Variants in KIAA0040 observed in about 807,000 individuals in gnomAD.
KIAA0040 encodes uncharacterized protein KIAA0040.
KIAA0040 carries 10 observed loss-of-function variants against 7.2 expected under a neutral mutation model. The ratio of observed to expected loss-of-function variants is 1.38; its 90% CI spans 0.85 to 2.34. KIAA0040 has a LOEUF of 2.34. Among genes scored for constraint, KIAA0040 ranks in the 30% most tolerant of loss-of-function variants. KIAA0040 has a pLI of 0.00. For missense variants in KIAA0040, 89 were observed against 108.2 expected (o/e 0.82, Z 0.79); for synonymous variants, 49 against 40.1 (o/e 1.22, Z -0.84).
chr1:175,188,484 G>A lies in KIAA0040; in HGVS notation c.-384+4156C>T, dbSNP rs145705499. 7.2e-5 allele frequency among the ~76,000 whole-genome samples: 11 copies of A among 152,238 alleles called. No individual in the cohort carries two copies. The East Asian group carries it at 1.9e-3, about 27-fold the overall frequency. ...TTATCTCCCTTACTGTGTCTGTGAC[G>A]AGTCTCCTGAAAGCCCATTATTCAC... On this transcript the variant is annotated intron_variant, in intron 1 of 3. Coordinates refer to ENST00000423313, the MANE Select transcript of KIAA0040 (RefSeq NM_014656.3).
Position 175,192,696 on chromosome 1 carries a change from C to G in KIAA0040, c.-440G>C, listed in dbSNP as rs943862173. The G allele has an allele frequency of 6.6e-6, 1 of 152,332 alleles. No individual in the cohort carries two copies. The highest frequency in any genetic ancestry group is 2.4e-5 in the African/African-American group (1 of 41,462). 9.4% of individuals were successfully genotyped at this position (152,332 alleles called of 1,614,324 possible). ...CCAGGGAATCTCCTGGTTGCTGCCC[C>G]GTCTGACAGCGCCCCGGGCCCTGGA... On this transcript the variant is annotated 5_prime_UTR_variant, in exon 1 of 4. Coordinates refer to ENST00000423313, the MANE Select transcript of KIAA0040 (RefSeq NM_014656.3).
Position 175,157,262 on chromosome 1 carries a change from G to GT in KIAA0040, c.*3451dup, listed in dbSNP as rs756208133. The GT allele has an allele frequency of 1.1e-4, 16 of 152,194 alleles. No homozygotes were observed. Among genetic ancestry groups the GT allele is most frequent in the Non-Finnish European group, 2.1e-4 (14 of 68,036 alleles). The allele number at this position is 152,194 out of a possible 1,614,324, so 9.4% of individuals were successfully genotyped here. A position where few individuals can be genotyped will look rare whatever the true frequency, so the allele number is the denominator to read the frequency against. ...ATGGACCTCATTGATGGAAAGTTCTGTAAGTGTTGCCAAGGAACATCAGTA... is the reference window on the plus strand; with the variant it reads ...ATGGACCTCATTGATGGAAAGTTCTGTTAAGTGTTGCCAAGGAACATCAGTA... On this transcript the variant is annotated 3_prime_UTR_variant, in exon 4 of 4. Coordinates refer to ENST00000423313, the MANE Select transcript of KIAA0040 (RefSeq NM_014656.3).
chr1:175,162,117 G>A (rs1028342829), intron 3 of KIAA0040, among the ~76,000 whole-genome samples: 1 of 152,114 alleles, frequency 6.6e-6, no homozygotes, highest in African/African-American at 2.4e-5. Flanking sequence ...ATATCTTAAA[G>A]CTCAGCTCTC....
At chr1:175,178,669 C>A (rs539331871) in intron 1 of KIAA0040, among the ~76,000 whole-genome samples, 30 of 152,312 alleles carry the variant, frequency 2.0e-4, no homozygotes, top group Middle Eastern at 3.4e-3. Context: ...TGAAGTCCTG[C>A]TCTGCTTAGC....
chr1:175,179,417 C>T lies in KIAA0040; in HGVS notation c.-383-1733G>A, dbSNP rs1044080104. On this transcript the variant is annotated intron_variant, in intron 1 of 3. Transcript: ENST00000423313. ...CACCCATGGGCTCACTGGTAATCTG[C>T]CCCAACCGGTCAGGCAGAGCAATCA... 2.6e-5 allele frequency among the ~76,000 whole-genome samples: 4 copies of T among 152,214 alleles called. No individual in the cohort carries two copies. The East Asian group carries it at 7.7e-4, about 29-fold the overall frequency.
chr1:175,184,188 T>C (rs1174952822), intron 1 of KIAA0040, among the ~76,000 whole-genome samples: 1 of 152,180 alleles, frequency 6.6e-6, no homozygotes, highest in African/African-American at 2.4e-5. Context: ...ACCTGCCAAC[T>C]GAGATGAATT....
intron 1 of KIAA0040, among the ~76,000 whole-genome samples, chr1:175,190,430 C>T (rs960581930): frequency 3.9e-5 from 6 of 152,242 alleles, no homozygotes; most frequent in South Asian, 4.1e-4. Context: ...TTATCTCCAT[C>T]TGGACATTTC....
intron 1 of KIAA0040, among the ~76,000 whole-genome samples, chr1:175,180,219 A>G (rs1001912238): frequency 6.6e-6 from 1 of 152,212 alleles, no homozygotes; most frequent in Non-Finnish European, 1.5e-5. Context: ...GCAGTAGGGT[A>G]ATTGTTTAAT....
chr1:175,184,144 A>C (rs1336717704), intron 1 of KIAA0040, among the ~76,000 whole-genome samples: 1 of 152,172 alleles, frequency 6.6e-6, no homozygotes, highest in Admixed American at 6.5e-5. Context: ...AACTGGAGAG[A>C]GTCTAGACCT....
intron 2 of KIAA0040, among the ~76,000 whole-genome samples, chr1:175,168,718 C>T (rs562234782): frequency 6.6e-6 from 1 of 152,342 alleles, no homozygotes; most frequent in African/African-American, 2.4e-5. Context: ...GAACCAATGT[C>T]TTCTGAGGCC....
chr1:175,182,989 C>T (rs942512983), intron 1 of KIAA0040, among the ~76,000 whole-genome samples: 2 of 152,194 alleles, frequency 1.3e-5, no homozygotes, highest in Non-Finnish European at 1.5e-5. Context: ...AAAGACGCCA[C>T]TGTTCCATTA....
intron 2 of KIAA0040, among the ~76,000 whole-genome samples, chr1:175,174,721 A>G (rs1362373626): frequency 6.6e-6 from 1 of 152,074 alleles, no homozygotes; most frequent in Non-Finnish European, 1.5e-5. Context: ...GTCTGTGGTT[A>G]TTAGGAGCTA....
chr1:175,182,440 C>A (rs1171878581), intron 1 of KIAA0040, among the ~76,000 whole-genome samples: 1 of 152,202 alleles, frequency 6.6e-6, no homozygotes, highest in African/African-American at 2.4e-5. Context: ...TTTCCCTGCC[C>A]CCTCACCCAC....
At chr1:175,171,438 G>C (rs934890460) in intron 2 of KIAA0040, among the ~76,000 whole-genome samples, 1 of 152,108 alleles carries the variant, frequency 6.6e-6, no homozygotes, top group Non-Finnish European at 1.5e-5. Context: ...TTAATTCAAG[G>C]GTTCTAAAAA....
chr1:175,182,414 T>G (rs1013706988), intron 1 of KIAA0040, among the ~76,000 whole-genome samples: 1 of 152,050 alleles, frequency 6.6e-6, no homozygotes, highest in South Asian at 2.1e-4. Flanking sequence ...CTGGCTCACG[T>G]TCAAAGGGAT....
At chr1:175,177,565 C>T (rs1045855128) in intron 2 of KIAA0040, 46 bp downstream of exon 2, 1 of 152,212 alleles carries the variant, frequency 6.6e-6, no homozygotes. Flanking sequence ...AGTTTGAGTG[C>T]AGAGGAAGCT....
At chr1:175,182,789 C>G (rs1357350257) in intron 1 of KIAA0040, among the ~76,000 whole-genome samples, 1 of 152,210 alleles carries the variant, frequency 6.6e-6, no homozygotes, top group African/African-American at 2.4e-5. Flanking sequence ...TTGTGGGAAC[C>G]AGATGAGTTA....
chr1:175,164,730 C>A (rs1229100810), intron 3 of KIAA0040, among the ~76,000 whole-genome samples: 1 of 152,164 alleles, frequency 6.6e-6, no homozygotes, highest in Non-Finnish European at 1.5e-5. Flanking sequence ...ATTTTTTAAT[C>A]TAAGAATTCT....
At chr1:175,168,752 C>T (rs1268643331) in intron 2 of KIAA0040, among the ~76,000 whole-genome samples, 1 of 152,226 alleles carries the variant, frequency 6.6e-6, no homozygotes, top group Non-Finnish European at 1.5e-5. Flanking sequence ...TGCCAGGTCT[C>T]TTCCACAAAC....
Sources: gnomAD v4.1 joint callset for allele counts (sites outside exome capture counted in the v4.1 genomes callset) on GRCh38, gnomAD v4.1.1 for gene constraint, MANE v1.5 for transcripts, NCBI Gene and HGNC (gene_info 2026-07-23, HGNC 2026-07-21) for gene names.